USP53: variants seen among roughly 807,000 people sequenced by gnomAD.
USP53 encodes ubiquitin specific peptidase 53, also known as ubiquitin carboxyl-terminal hydrolase 53.
USP53 carries 71 observed loss-of-function variants against 94.9 expected under a neutral mutation model. That is an observed-to-expected ratio of 0.75 (90% CI 0.62 to 0.91). The LOEUF (loss-of-function observed/expected upper bound fraction) is 0.91. Ranked by LOEUF, USP53 falls within the 40% of genes least tolerant of loss-of-function variation. The pLI, the probability that USP53 is intolerant of heterozygous loss-of-function variation, is 0.00. For synonymous variants in USP53, 375 were observed against 422.7 expected (o/e 0.89, Z 1.39); for missense variants, 1,173 against 1,281.0 (o/e 0.92, Z 1.29).
chr4:119,295,265 GTT>G lies in USP53; in HGVS notation c.*2055_*2056del, dbSNP rs1437174989. ...AACTAGAAAATGCCCATTTATTTTT[GTT>G]GATTCAACACTCCAGATACAGATTG... On this transcript the variant is annotated 3_prime_UTR_variant, in exon 19 of 19. Coordinates refer to ENST00000692078, the MANE Select transcript of USP53 (RefSeq NM_001371395.1). 2.1e-5 allele frequency: 3 copies of G among 141,696 alleles called. No individual in the cohort carries two copies. Among genetic ancestry groups the G allele is most frequent in the African/African-American group, 7.8e-5 (3 of 38,646 alleles). 8.8% of individuals were successfully genotyped at this position (141,696 alleles called of 1,614,324 possible).
chr4:119,292,715 G>C lies in USP53; in HGVS notation c.2726G>C (p.Gly909Ala), dbSNP rs1221928254. The stretch of plus-strand genomic sequence containing the variant: ...ATTCGGTCAGCCAGCAGATCTGATG[G>C]GTGTCAGATGCCAAAACTTTTTTGC... ...CIIRSASRSD[G>A]CQMPKLFCQN... is the part of the protein sequence containing the mutation. Residue 909 changes from glycine to alanine, a missense_variant, in exon 19 of 19, where the codon GGG becomes GCG. Physicochemically the swap from Gly to Ala is moderately conservative, Grantham distance 60 (BLOSUM62 0). Coordinates refer to ENST00000692078, the MANE Select transcript of USP53 (RefSeq NM_001371395.1). The C allele has an allele frequency of 1.9e-6, 3 of 1,613,802 alleles. No homozygotes were observed. The Admixed American group carries it at 5.0e-5, about 27-fold the overall frequency.
Position 119,294,463 on chromosome 4 carries a change from T to G in USP53, c.*1252T>G, listed in dbSNP as rs1328949164. On this transcript the variant is annotated 3_prime_UTR_variant, in exon 19 of 19. Coordinates refer to ENST00000692078, the MANE Select transcript of USP53 (RefSeq NM_001371395.1). ...ACCTTATGAGTAAAAATAAGTTACT[T>G]TAATTGCTTTATTTCGTTAGTTGTC... 6.6e-6 allele frequency: 1 copy of G among 151,994 alleles called. No homozygotes were observed. The highest frequency in any genetic ancestry group is 6.6e-5 in the Admixed American group (1 of 15,262). 9.4% of individuals were successfully genotyped at this position (151,994 alleles called of 1,614,324 possible). A position where few individuals can be genotyped will look rare whatever the true frequency, so the allele number is the denominator to read the frequency against.
At position 119,215,772 on chromosome 4, in the gene USP53, G is replaced by C. The variant is rs28429484; in HGVS notation, c.-789+1550G>C. Reference sequence around the variant, plus strand: ...GCTAAAGAATTATGATTTTACATGAGACTTCAGAAGAGTTGCTTCATATAC... The same window carrying C: ...GCTAAAGAATTATGATTTTACATGACACTTCAGAAGAGTTGCTTCATATAC... On this transcript the variant is annotated intron_variant, in intron 2 of 18. Transcript: ENST00000692078. 2.8e-3 allele frequency among the ~76,000 whole-genome samples: 426 copies of C among 152,242 alleles called. 2 individuals are homozygous for C. The highest frequency in any genetic ancestry group is 9.8e-3 in the African/African-American group (406 of 41,548).
In USP53 at chr4:119,261,802, G is replaced by A. The variant is rs1750555764; in HGVS notation, c.910G>A (p.Ala304Thr). The A allele has an allele frequency of 2.0e-6, 3 of 1,522,366 alleles. No individual in the cohort carries two copies. The highest frequency in any genetic ancestry group is 2.3e-5 in the East Asian group (1 of 43,008). The allele number at this position is 1,522,366 out of a possible 1,614,324, so 94.3% of individuals were successfully genotyped here. Residue 304 changes from alanine to threonine, a missense_variant, in exon 12 of 19, where the codon GCC (alanine) becomes ACC (threonine). By Grantham distance (58) the Ala-to-Thr change is moderately conservative (BLOSUM62 0). Coordinates refer to ENST00000692078, the MANE Select transcript of USP53 (RefSeq NM_001371395.1). ...CTGCTACACCAGCCAACATTATTGTGCCTTTGCATTTCACACCAAAAGTTC... is the reference window on the plus strand; with the variant it reads ...CTGCTACACCAGCCAACATTATTGTACCTTTGCATTTCACACCAAAAGTTC... ...MICYTSQHYC[A>T]FAFHTKSSKW...
intron 17 of USP53, among the ~76,000 whole-genome samples, chr4:119,288,059 T>C (rs1474864906): frequency 6.6e-6 from 1 of 152,206 alleles, no homozygotes; most frequent in Non-Finnish European, 1.5e-5. Flanking sequence ...TCAGATATCT[T>C]TATAATCTTA....
intron 5 of USP53, among the ~76,000 whole-genome samples, chr4:119,241,721 G>A (rs1218756864): frequency 6.6e-6 from 1 of 152,070 alleles, no homozygotes; most frequent in East Asian, 1.9e-4. Context: ...GTTTGGGTTT[G>A]TTGAGTGTCT....
chr4:119,249,300 G>C (rs1748653423), intron 7 of USP53, among the ~76,000 whole-genome samples: 1 of 152,096 alleles, frequency 6.6e-6, no homozygotes, highest in Admixed American at 6.5e-5. Flanking sequence ...GTGGGTAACA[G>C]GGGCAACAGC....
Position 119,292,874 on chromosome 4 carries a change from G to A in USP53, c.2885G>A (p.Ser962Asn), listed in dbSNP as rs752718265. The A allele has an allele frequency of 1.2e-6, 2 of 1,614,108 alleles. 1 individual carries two copies. Among genetic ancestry groups the A allele is most frequent in the South Asian group, 2.2e-5 (2 of 91,084 alleles). Residue 962 changes from serine to asparagine, a missense_variant, in exon 19 of 19, where the codon AGT becomes AAT. By Grantham distance (46) the Ser-to-Asn change is conservative. Coordinates refer to ENST00000692078, the MANE Select transcript of USP53 (RefSeq NM_001371395.1). ...FKATSHLPKH[S>N]LSTASEPSLE... ...GCTACCTCTCATCTTCCGAAGCACA[G>A]TTTAAGTACAGCTTCAGAACCAAGT...
chr4:119,269,632 T>G, intron 14 of USP53, 59 bp from the exon 15 acceptor site: 1 of 1,199,632 alleles, frequency 8.3e-7, no homozygotes, highest in African/African-American at 1.6e-5. Flanking sequence ...TCAATTTTTA[T>G]TTTTATTGGG....
intron 3 of USP53, among the ~76,000 whole-genome samples, chr4:119,229,184 T>C (rs946234807): frequency 6.6e-6 from 1 of 152,196 alleles, no homozygotes; most frequent in Non-Finnish European, 1.5e-5. Context: ...CATCCAGCCA[T>C]CTATATATGG....
intron 3 of USP53, chr4:119,219,444 T>C (rs1744219717): frequency 6.6e-6 from 1 of 152,248 alleles, no homozygotes; most frequent in Admixed American, 6.5e-5. Flanking sequence ...CCAGTCACAT[T>C]GGATTAGGGT....
intron 3 of USP53, among the ~76,000 whole-genome samples, chr4:119,229,332 C>G (rs1745742125): frequency 6.6e-6 from 1 of 152,178 alleles, no homozygotes; most frequent in Non-Finnish European, 1.5e-5. Context: ...ACCATTTCAT[C>G]TATTCTTATG....
At chr4:119,213,660 A>ATGTGTGTGTGTGTGTGTGTG (rs1553962017) in intron 1 of USP53, among the ~76,000 whole-genome samples, 1 of 117,770 alleles carries the variant, frequency 8.5e-6, no homozygotes, top group African/African-American at 3.6e-5. Flanking sequence ...ATATATATAT[A>ATGTGTGTGTGTGTGTGTGTG]TGTGTGTGTG....
chr4:119,279,468 C>G (rs1485651618), intron 17 of USP53, among the ~76,000 whole-genome samples: 4 of 149,330 alleles, frequency 2.7e-5, no homozygotes, highest in Non-Finnish European at 5.9e-5. Flanking sequence ...TCTCAGATCT[C>G]CAGCTGCGTG....
At chr4:119,261,115 A>G (rs1235009888) in intron 11 of USP53, among the ~76,000 whole-genome samples, 1 of 151,956 alleles carries the variant, frequency 6.6e-6, no homozygotes, top group Non-Finnish European at 1.5e-5. Flanking sequence ...ATGCACCACC[A>G]TACCCAGCTA....
At chr4:119,227,294 CACACAA>C (rs954184664) in intron 3 of USP53, among the ~76,000 whole-genome samples, 7 of 144,168 alleles carry the variant, frequency 4.9e-5, no homozygotes, top group African/African-American at 1.5e-4. Flanking sequence ...CACACACACA[CACACAA>C]ACTTGAAATG....
In USP53 at chr4:119,271,786, T is replaced by C. The variant is rs901611006; in HGVS notation, c.1926T>C (p.Tyr642=). The part of the protein sequence containing the change: ...NPKQKGLMTI[Y]EDEMKQEIGS... The stretch of plus-strand genomic sequence containing the variant: ...AGCAAAAAGGTTTAATGACCATATA[T>C]GAAGATGAAATGAAGCAGGAAATAG... Residue 642 remains tyrosine (Y), a synonymous_variant, in exon 16 of 19, where the codon TAT becomes TAC. Transcript: ENST00000692078. The C allele has an allele frequency of 1.7e-5, 28 of 1,612,768 alleles. No individual in the cohort carries two copies. Among genetic ancestry groups the C allele is most frequent in the Non-Finnish European group, 2.2e-5 (26 of 1,179,788 alleles).
At position 119,223,347 on chromosome 4, in the gene USP53, C is replaced by T. The variant is rs373162584; in HGVS notation, c.-665+5674C>T. ...AGCAGAACTGGGAAAGAACTACAGA[C>T]GAATCGTTAGCCAGATCAATTCTAG... On this transcript the variant is annotated intron_variant, in intron 3 of 18. Transcript: ENST00000692078. Among the ~76,000 whole-genome samples, 144 of 152,196 alleles carry T rather than the reference C, an allele frequency of 9.5e-4. 1 individual carries two copies. Among genetic ancestry groups the T allele is most frequent in the African/African-American group, 3.4e-3 (141 of 41,520 alleles).
intron 9 of USP53, among the ~76,000 whole-genome samples, chr4:119,258,110 C>T (rs1426978436): frequency 1.3e-5 from 2 of 152,110 alleles, no homozygotes; most frequent in Admixed American, 1.3e-4. Flanking sequence ...TGCTTTTAAT[C>T]TTAACCAAAA....
Sources: allele counts gnomAD v4.1 joint callset (sites outside exome capture counted in the v4.1 genomes callset), GRCh38; gene constraint gnomAD v4.1.1; transcripts MANE v1.5; gene names NCBI Gene and HGNC (gene_info 2026-07-23, HGNC 2026-07-21).